The following CSGALNACT1 variants were observed in gnomAD, a reference collection of about 807,000 sequenced individuals.
CSGALNACT1 encodes the protein chondroitin sulfate N-acetylgalactosaminyltransferase 1, also known as beta4GalNAcT-1.
Under a neutral mutation model 51.0 loss-of-function variants are expected in CSGALNACT1, and 52 were observed. That is an observed-to-expected ratio of 1.02 (90% CI 0.82 to 1.29). The LOEUF (loss-of-function observed/expected upper bound fraction) is 1.29, where lower values mean the gene tolerates loss of function less well. CSGALNACT1 is among the 50% of genes most tolerant of loss of function. The probability of loss-of-function intolerance (pLI) is 0.00; values close to 1 mark genes in which losing one functional copy is unlikely to be tolerated. For synonymous variants in CSGALNACT1, 341 were observed against 254.4 expected (o/e 1.34, Z -3.24); for missense variants, 935 against 679.2 (o/e 1.38, Z -4.19).
At chr8:19,633,407 A>G (rs17128749) in intron 1 of CSGALNACT1, among the ~76,000 whole-genome samples, 9,508 of 152,224 alleles carry the variant, frequency 0.062, 478 homozygotes, top group African/African-American at 0.12. Flanking sequence ...CCCAAAGAAG[A>G]TATGTTAAAG....
At chr8:19,748,552 C>G (rs2064831742) in intron 1 of CSGALNACT1, among the ~76,000 whole-genome samples, 3 of 152,134 alleles carry the variant, frequency 2.0e-5, no homozygotes, top group Admixed American at 1.3e-4. Flanking sequence ...ACAGTTGACA[C>G]ATATATTAAG....
chr8:19,678,845 G>C (rs2060385689), intron 1 of CSGALNACT1: 1 of 152,126 alleles, frequency 6.6e-6, no homozygotes, highest in Admixed American at 6.5e-5. Flanking sequence ...ACACCAAGCA[G>C]GTAAGACCAG....
At chr8:19,641,879 A>T (rs1304139017) in intron 1 of CSGALNACT1, 2 of 152,188 alleles carry the variant, frequency 1.3e-5, no homozygotes, top group African/African-American at 4.8e-5. Context: ...AGATACTTAA[A>T]TATTTTCAGC....
At chr8:19,706,638 A>G (rs7835354) in intron 1 of CSGALNACT1, among the ~76,000 whole-genome samples, 83,087 of 151,956 alleles carry the variant, frequency 0.55, 22,890 homozygotes, top group Middle Eastern at 0.65. Flanking sequence ...TGGCAGTGGG[A>G]TACCTACCAG....
chr8:19,725,321 C>A (rs1237322070), intron 1 of CSGALNACT1, among the ~76,000 whole-genome samples: 1 of 152,154 alleles, frequency 6.6e-6, no homozygotes, highest in African/African-American at 2.4e-5. Context: ...CAAGGGGGCA[C>A]CCAGTGTGGC....
chr8:19,709,521 C>T (rs1179594709), intron 1 of CSGALNACT1, among the ~76,000 whole-genome samples: 1 of 152,148 alleles, frequency 6.6e-6, no homozygotes, highest in Non-Finnish European at 1.5e-5. Context: ...TCAAGGAAGG[C>T]CTTTCTCAGG....
At chr8:19,505,488 G>T (rs375858313) in exon 4 of CSGALNACT1, 1 of 1,614,004 alleles carries the variant, frequency 6.2e-7, no homozygotes, top group African/African-American at 1.3e-5. Context: ...GTCGGCCTGG[G>T]TTTTCTCTGG....
intron 1 of CSGALNACT1, among the ~76,000 whole-genome samples, chr8:19,609,538 C>T (rs973948674): frequency 3.3e-5 from 5 of 151,468 alleles, no homozygotes; most frequent in African/African-American, 7.3e-5. Context: ...TATTGATACA[C>T]ATATCAGCAT....
At chr8:19,451,927 A>T (rs2063249006) in intron 5 of CSGALNACT1, among the ~76,000 whole-genome samples, 1 of 152,232 alleles carries the variant, frequency 6.6e-6, no homozygotes, top group South Asian at 2.1e-4. Flanking sequence ...AGATTCCTCA[A>T]CCAACTGTAT....
intron 3 of CSGALNACT1, among the ~76,000 whole-genome samples, chr8:19,518,315 C>T (rs1458696042): frequency 2.0e-5 from 3 of 152,194 alleles, no homozygotes; most frequent in African/African-American, 7.2e-5. Flanking sequence ...GGATGATTAA[C>T]AGCAGGAACT....
chr8:19,564,556 G>A (rs146375488), intron 3 of CSGALNACT1, among the ~76,000 whole-genome samples: 61 of 152,244 alleles, frequency 4.0e-4, no homozygotes, highest in Middle Eastern at 3.4e-3. Flanking sequence ...GCTCCTCGAA[G>A]CTGCCCACAC....
chr8:19,525,390 G>A (rs2081457875), intron 3 of CSGALNACT1, among the ~76,000 whole-genome samples: 1 of 151,582 alleles, frequency 6.6e-6, no homozygotes, highest in Admixed American at 6.6e-5. Context: ...GATCATTTGA[G>A]ATCAGGAGTT....
At chr8:19,661,251 T>A (rs2154190647) in intron 1 of CSGALNACT1, among the ~76,000 whole-genome samples, 1 of 152,106 alleles carries the variant, frequency 6.6e-6, no homozygotes, top group East Asian at 1.9e-4. Flanking sequence ...CCACAAGGCC[T>A]CTCCCAGAGC....
intron 3 of CSGALNACT1, among the ~76,000 whole-genome samples, chr8:19,533,285 TTTTTTA>T (rs538381403): frequency 8.2e-4 from 124 of 152,016 alleles, no homozygotes; most frequent in African/African-American, 2.5e-3. Context: ...CCTAGCTAAT[TTTTTTA>T]TTTTTATTTT....
At chr8:19,745,723 A>T (rs1019889833) in intron 1 of CSGALNACT1, among the ~76,000 whole-genome samples, 2 of 152,212 alleles carry the variant, frequency 1.3e-5, no homozygotes, top group Non-Finnish European at 2.9e-5. Flanking sequence ...AATATCTGTG[A>T]CTGAAATGCC....
intron 3 of CSGALNACT1, among the ~76,000 whole-genome samples, chr8:19,562,724 A>C (rs2154098850): frequency 6.6e-6 from 1 of 152,348 alleles, no homozygotes; most frequent in East Asian, 1.9e-4. Context: ...CCAAAACCAC[A>C]ATGAGATACC....
At chr8:19,523,762 C>A (rs1426575513) in intron 3 of CSGALNACT1, among the ~76,000 whole-genome samples, 2 of 152,166 alleles carry the variant, frequency 1.3e-5, no homozygotes, top group East Asian at 3.8e-4. Flanking sequence ...CAGCTGAGAT[C>A]CCTGTCCTCA....
chr8:19,605,559 G>A (rs933067550), upstream of CSGALNACT1, among the ~76,000 whole-genome samples: 7 of 152,184 alleles, frequency 4.6e-5, no homozygotes, highest in South Asian at 6.2e-4. Context: ...TGAGGATTCC[G>A]AGTGAGCATT....
At chr8:19,538,651 C>T (rs539808529) in intron 3 of CSGALNACT1, among the ~76,000 whole-genome samples, 4 of 152,074 alleles carry the variant, frequency 2.6e-5, no homozygotes, top group South Asian at 2.1e-4. Context: ...TGAGGGAGAC[C>T]GGGGGAGGTA....
Sources: allele counts gnomAD v4.1 joint callset (sites outside exome capture counted in the v4.1 genomes callset), GRCh38; gene constraint gnomAD v4.1.1; transcripts MANE v1.5; gene names NCBI Gene and HGNC (gene_info 2026-07-23, HGNC 2026-07-21).